ATL1: variants seen among roughly 807,000 people sequenced by gnomAD.
The protein encoded by ATL1 is atlastin-1.
A neutral mutation model predicts 75.5 loss-of-function variants in ATL1; 31 were observed. That is an observed-to-expected ratio of 0.41 (90% CI 0.31 to 0.55). The LOEUF (loss-of-function observed/expected upper bound fraction) is 0.55. ATL1 is among the 20% of genes least tolerant of loss of function. The pLI is 0.27. For synonymous variants in ATL1, 226 were observed against 233.3 expected, an observed-to-expected ratio of 0.97 and a Z score of 0.28; for missense variants, 405 against 662.6, an observed-to-expected ratio of 0.61 and a Z score of 4.27.
intron 1 of ATL1, among the ~76,000 whole-genome samples, chr14:50,547,532 A>G (rs1247568091): frequency 6.6e-6 from 1 of 152,220 alleles, no homozygotes; most frequent in Non-Finnish European, 1.5e-5. Context: ...GGCAACGAAG[A>G]TGAAATAATA....
intron 1 of ATL1, among the ~76,000 whole-genome samples, chr14:50,553,225 C>A (rs866002564): frequency 6.7e-6 from 1 of 149,494 alleles, no homozygotes; most frequent in East Asian, 2.0e-4. Flanking sequence ...GAGCCGAGAT[C>A]GTGCCACTGC....
intron 8 of ATL1, among the ~76,000 whole-genome samples, chr14:50,619,037 T>C (rs1236265985): frequency 6.6e-6 from 1 of 151,906 alleles, no homozygotes; most frequent in Non-Finnish European, 1.5e-5. Context: ...ACTACAGGCA[T>C]GTGCCACAAT....
chr14:50,553,843 ACT>A (rs542892986), intron 1 of ATL1, among the ~76,000 whole-genome samples: 128 of 152,328 alleles, frequency 8.4e-4, no homozygotes, highest in African/African-American at 3.0e-3. Flanking sequence ...AAGTGAAGTA[ACT>A]CAGGAATGGA....
intron 9 of ATL1, among the ~76,000 whole-genome samples, 171 bp from the exon 10 acceptor site, chr14:50,621,672 G>A (rs918986156): frequency 6.6e-6 from 1 of 151,942 alleles, no homozygotes; most frequent in Non-Finnish European, 1.5e-5. Flanking sequence ...TTCAGGAAAG[G>A]GAAACAACAT....
chr14:50,628,428 T>C lies in ATL1; in HGVS notation c.1517T>C (p.Val506Ala), dbSNP rs771749577. The C allele has an allele frequency of 1.2e-6, 2 of 1,614,104 alleles. No individual in the cohort carries two copies. Among genetic ancestry groups the C allele is most frequent in the South Asian group, 2.2e-5 (2 of 91,058 alleles). ...GGAGAATACCGAGAGCTGGGAGCTGTAATAGACCAGGTGGCTGCAGCTCTG... is the reference window on the plus strand; with the variant it reads ...GGAGAATACCGAGAGCTGGGAGCTGCAATAGACCAGGTGGCTGCAGCTCTG... Reference protein sequence around the residue: ...YSGEYRELGAVIDQVAAALWD... With the variant: ...YSGEYRELGAAIDQVAAALWD... The change falls in exon 12 of 14, where the codon GTA (valine) becomes GCA (alanine). Residue 506 changes from valine (V) to alanine (A), a missense_variant. Val to Ala is a moderately conservative substitution (Grantham distance 64). Coordinates refer to ENST00000358385, the MANE Select transcript of ATL1 (RefSeq NM_015915.5).
intron 11 of ATL1, among the ~76,000 whole-genome samples, chr14:50,624,706 G>C (rs903910637): frequency 1.3e-5 from 2 of 152,052 alleles, no homozygotes; most frequent in Non-Finnish European, 1.5e-5. Flanking sequence ...TAGGCCAAAA[G>C]CTAGGCCTTT....
chr14:50,598,382 G>A (rs534696840), intron 6 of ATL1, among the ~76,000 whole-genome samples: 33 of 151,954 alleles, frequency 2.2e-4, no homozygotes, highest in Non-Finnish European at 4.3e-4. Context: ...TTGAGACGGA[G>A]TCTTGCTCTT....
intron 6 of ATL1, among the ~76,000 whole-genome samples, chr14:50,601,835 C>A (rs2039274637): frequency 6.6e-6 from 1 of 152,078 alleles, no homozygotes; most frequent in South Asian, 2.1e-4. Flanking sequence ...TTGAGAATGA[C>A]AATATTTTTC....
At chr14:50,631,029 T>A in intron 13 of ATL1, 1 of 446,744 alleles carries the variant, frequency 2.2e-6, no homozygotes, top group South Asian at 1.6e-5. Context: ...GAGACTGAGG[T>A]GGGCGGATCA....
intron 1 of ATL1, among the ~76,000 whole-genome samples, chr14:50,547,593 A>G (rs915923847): frequency 4.6e-5 from 7 of 152,228 alleles, no homozygotes; most frequent in Non-Finnish European, 1.0e-4. Context: ...CAGAAGTTAC[A>G]TAAGGTACAG....
intron 1 of ATL1, among the ~76,000 whole-genome samples, chr14:50,542,005 T>C (rs1306184621): frequency 2.2e-5 from 1 of 45,392 alleles, no homozygotes; most frequent in Non-Finnish European, 3.6e-5. Flanking sequence ...AGATTCCGTC[T>C]CAAAAAAAAA....
chr14:50,598,050 A>G (rs1046015176), intron 6 of ATL1, among the ~76,000 whole-genome samples: 2 of 152,202 alleles, frequency 1.3e-5, no homozygotes, highest in African/African-American at 4.8e-5. Context: ...TTTAAAATAT[A>G]TATACCATTC....
chr14:50,623,729 G>C (rs1445874517), intron 11 of ATL1, among the ~76,000 whole-genome samples: 1 of 152,036 alleles, frequency 6.6e-6, no homozygotes, highest in African/African-American at 2.4e-5. Flanking sequence ...ATGTACTACT[G>C]TGATAGATAT....
At chr14:50,590,262 T>C (rs2039143237) in intron 2 of ATL1, among the ~76,000 whole-genome samples, 2 of 152,218 alleles carry the variant, frequency 1.3e-5, no homozygotes, top group African/African-American at 2.4e-5. Context: ...TCTAGAATAG[T>C]ATCTTTCTAC....
At chr14:50,548,662 G>T (rs185523288) in intron 1 of ATL1, among the ~76,000 whole-genome samples, 2,250 of 152,030 alleles carry the variant, frequency 0.015, 43 homozygotes, top group African/African-American at 0.051. Context: ...GGCACACACC[G>T]CCACGCCCAG....
intron 2 of ATL1, among the ~76,000 whole-genome samples, chr14:50,588,636 C>A (rs2039124550): frequency 6.6e-6 from 1 of 152,134 alleles, no homozygotes; most frequent in Non-Finnish European, 1.5e-5. Flanking sequence ...CGCCTGTAAT[C>A]CCAGCACTTT....
chr14:50,582,183 G>A (rs2039061858), intron 1 of ATL1, among the ~76,000 whole-genome samples: 1 of 151,802 alleles, frequency 6.6e-6, no homozygotes, highest in African/African-American at 2.4e-5. Flanking sequence ...TTGGGAGGCT[G>A]AGGCAGAATT....
At chr14:50,557,746 G>T (rs1015838877), upstream of ATL1, among the ~76,000 whole-genome samples, 1 of 152,160 alleles carries the variant, frequency 6.6e-6, no homozygotes, top group Non-Finnish European at 1.5e-5. Flanking sequence ...TCCACTGAAA[G>T]GGTCTAGAAA....
chr14:50,535,947 G>A (rs1289542139), intron 1 of ATL1, among the ~76,000 whole-genome samples: 1 of 152,176 alleles, frequency 6.6e-6, no homozygotes, highest in African/African-American at 2.4e-5. Flanking sequence ...AGACCTGATG[G>A]TTTTAAAAAG....
Sources: allele counts gnomAD v4.1 joint callset (sites outside exome capture counted in the v4.1 genomes callset), GRCh38; gene constraint gnomAD v4.1.1; transcripts MANE v1.5; gene names NCBI Gene and HGNC (gene_info 2026-07-23, HGNC 2026-07-21).